Variants in CTNNA3 observed in about 807,000 individuals in gnomAD.
The protein encoded by CTNNA3 is catenin alpha 3.
CTNNA3 carries 76 observed loss-of-function variants against 95.7 expected under a neutral mutation model. The ratio of observed to expected loss-of-function variants is 0.79; its 90% confidence interval spans 0.66 to 0.96. The LOEUF is 0.96. Among genes scored for constraint, CTNNA3 ranks in the 40% least tolerant of loss-of-function variants. The pLI, the probability that CTNNA3 is intolerant of heterozygous loss-of-function variation, is 0.00. For synonymous variants in CTNNA3, 431 were observed against 374.4 expected (o/e 1.15, Z -1.74); for missense variants, 1,191 against 1,089.8 (o/e 1.09, Z -1.31).
intron 13 of CTNNA3, among the ~76,000 whole-genome samples, chr10:66,211,998 T>C (rs1392968232): frequency 6.9e-6 from 1 of 145,692 alleles, no homozygotes; most frequent in African/African-American, 2.6e-5. Flanking sequence ...TTTTTTTTTT[T>C]TTTTTTTTTG....
At chr10:66,941,477 C>T (rs1046818769) in intron 7 of CTNNA3, among the ~76,000 whole-genome samples, 1 of 151,940 alleles carries the variant, frequency 6.6e-6, no homozygotes, top group Non-Finnish European at 1.5e-5. Context: ...GGTTAGAGTC[C>T]ACTTTGAACG....
intron 7 of CTNNA3, among the ~76,000 whole-genome samples, chr10:67,157,110 C>T (rs1362747795): frequency 6.6e-6 from 1 of 151,896 alleles, no homozygotes; most frequent in African/African-American, 2.4e-5. Flanking sequence ...AGCAATTAGG[C>T]AAGAAAAAGA....
At chr10:66,352,766 A>G (rs1166579738) in intron 12 of CTNNA3, among the ~76,000 whole-genome samples, 1 of 152,096 alleles carries the variant, frequency 6.6e-6, no homozygotes, top group African/African-American at 2.4e-5. Flanking sequence ...ATATAATTCC[A>G]TTTTATAAAT....
intron 17 of CTNNA3, among the ~76,000 whole-genome samples, chr10:65,927,097 T>C (rs547014549): frequency 7.9e-5 from 12 of 152,286 alleles, no homozygotes; most frequent in African/African-American, 2.4e-4. Context: ...AATGCCAGTA[T>C]ACAAGTGAGC....
rs143250380 is a variant in CTNNA3, at chr10:66,442,421, T to C, written c.1532-63069A>G. 7.0e-3 allele frequency among the ~76,000 whole-genome samples: 1,072 copies of C among 152,258 alleles called. 11 individuals carry two copies. The highest frequency in any genetic ancestry group is 0.025 in the African/African-American group (1,021 of 41,550). ...TTTTAAATAAAACCTACATAAAATA[T>C]TCTCAATTAAAATAACTGTAAATAT... On this transcript the variant is annotated intron_variant, in intron 11 of 17. Transcript: ENST00000433211.
chr10:67,762,838 T>G (rs1331178742), intron 1 of CTNNA3, among the ~76,000 whole-genome samples: 2 of 152,144 alleles, frequency 1.3e-5, no homozygotes, highest in African/African-American at 4.8e-5. Context: ...AAAAGCACTA[T>G]CCTATTCTGT....
chr10:67,198,136 G>C (rs1863460817), intron 6 of CTNNA3, among the ~76,000 whole-genome samples: 1 of 152,122 alleles, frequency 6.6e-6, no homozygotes, highest in East Asian at 1.9e-4. Context: ...AGCCACATGT[G>C]AGTAGTGGCT....
chr10:67,445,898 T>A (rs1442494132), intron 5 of CTNNA3, among the ~76,000 whole-genome samples: 1 of 152,198 alleles, frequency 6.6e-6, no homozygotes, highest in Non-Finnish European at 1.5e-5. Context: ...GACAGTGAGC[T>A]TCCTGAGGGC....
intron 5 of CTNNA3, among the ~76,000 whole-genome samples, chr10:67,230,376 A>G (rs11497953): frequency 0.043 from 6,532 of 152,230 alleles, 465 homozygotes; most frequent in African/African-American, 0.15. Context: ...ACTCTATACG[A>G]TAACATTGGC....
chr10:67,167,503 C>T lies in CTNNA3; in HGVS notation c.1047+12814G>A, dbSNP rs1217770797. 2.0e-5 allele frequency among the ~76,000 whole-genome samples: 3 copies of T among 152,140 alleles called. No individual in the cohort carries two copies. In the East Asian group the frequency reaches 5.8e-4, roughly 29 times the overall value. On this transcript the variant is annotated intron_variant, in intron 7 of 17. Coordinates refer to ENST00000433211, the MANE Select transcript of CTNNA3 (RefSeq NM_013266.4). ...AGAAGTCCTAGAATGTTACTTCTGC[C>T]ATATTTAGTTGGTCAACCAAGTTAT...
intron 17 of CTNNA3, among the ~76,000 whole-genome samples, chr10:65,960,530 C>T (rs1441227223): frequency 1.3e-5 from 2 of 150,038 alleles, no homozygotes; most frequent in African/African-American, 4.9e-5. Context: ...GTCTCAACAA[C>T]AAAAAAAAAG....
intron 9 of CTNNA3, among the ~76,000 whole-genome samples, chr10:66,658,562 G>C (rs917947469): frequency 2.0e-5 from 3 of 152,134 alleles, no homozygotes; most frequent in African/African-American, 7.2e-5. Context: ...GCCAATGAGT[G>C]AGGCTACCGT....
Position 67,750,160 on chromosome 10 carries a change from C to T in CTNNA3, c.-2+13274G>A. The T allele has an allele frequency of 1.2e-5, 12 of 968,974 alleles. No individual in the cohort carries two copies. In the South Asian group the frequency reaches 1.8e-4, roughly 15 times the overall value. 60.0% of individuals were successfully genotyped at this position (968,974 alleles called of 1,614,324 possible). On this transcript the variant is annotated intron_variant, in intron 1 of 17. Transcript: ENST00000684154. ...CATCTTTAAGAGCTGTAACAGTTAC[C>T]ACGAAGGTCCGTGGCTTCATTCTTG... is the stretch of plus-strand genomic sequence containing the variant.
intron 9 of CTNNA3, among the ~76,000 whole-genome samples, chr10:66,756,679 T>C (rs1010913628): frequency 6.6e-6 from 1 of 152,102 alleles, no homozygotes; most frequent in Non-Finnish European, 1.5e-5. Flanking sequence ...TGTGTTTCTC[T>C]AATCCACTTC....
At chr10:67,725,235 G>A (rs998689105) in intron 1 of CTNNA3, among the ~76,000 whole-genome samples, 4 of 151,118 alleles carry the variant, frequency 2.6e-5, no homozygotes, top group East Asian at 1.9e-4. Context: ...GGCGTGCAGC[G>A]GCACGATCTC....
chr10:66,225,436 T>TCCATC (rs1273116625), intron 13 of CTNNA3, among the ~76,000 whole-genome samples: 1 of 143,760 alleles, frequency 7.0e-6, no homozygotes, highest in African/African-American at 2.6e-5. Context: ...TGAATAGTAT[T>TCCATC]CCATCGTGTA....
chr10:67,140,129 G>T (rs1473238715), intron 7 of CTNNA3, among the ~76,000 whole-genome samples: 1 of 152,078 alleles, frequency 6.6e-6, no homozygotes, highest in Non-Finnish European at 1.5e-5. Context: ...CTTATTTCTA[G>T]CCTAATATAT....
At chr10:67,465,780 C>G (rs1018644316) in intron 5 of CTNNA3, among the ~76,000 whole-genome samples, 1 of 152,076 alleles carries the variant, frequency 6.6e-6, no homozygotes, top group Admixed American at 6.6e-5. Flanking sequence ...GAAAAACAGC[C>G]TCTGTACTGC....
chr10:67,342,232 G>A (rs1821804010), intron 5 of CTNNA3, among the ~76,000 whole-genome samples: 1 of 149,960 alleles, frequency 6.7e-6, no homozygotes, highest in East Asian at 2.0e-4. Context: ...CTCCCGAATA[G>A]CTGGGACTAC....
Sources: gnomAD v4.1 joint callset for allele counts (sites outside exome capture counted in the v4.1 genomes callset) on GRCh38, gnomAD v4.1.1 for gene constraint, MANE v1.5 for transcripts, NCBI Gene and HGNC (gene_info 2026-07-23, HGNC 2026-07-21) for gene names.